KRT14: variants seen among roughly 807,000 people sequenced by gnomAD.
KRT14 encodes the protein keratin, type I cytoskeletal 14.
Under a neutral mutation model 44.5 loss-of-function variants are expected in KRT14, and 30 were observed. That is an observed-to-expected ratio of 0.67 (90% CI 0.50 to 0.92). KRT14 has a LOEUF of 0.92. KRT14 is among the 40% of genes least tolerant of loss of function. The pLI, the probability that KRT14 is intolerant of heterozygous loss-of-function variation, is 0.00. For missense variants in KRT14, 535 were observed against 640.6 expected, an observed-to-expected ratio of 0.84 and a Z score of 1.78; for synonymous variants, 241 against 257.6, an observed-to-expected ratio of 0.94 and a Z score of 0.62.
At chr17:41,582,890 C>T (rs1380688590) in intron 7 of KRT14, 4 of 634,962 alleles carry the variant, frequency 6.3e-6, no homozygotes, top group Non-Finnish European at 1.1e-5. Context: ...ACAGACACCA[C>T]GTAGAAGCAA....
At chr17:41,584,927 C>T (rs765512464) in intron 2 of KRT14, 48 bp downstream of exon 2, 3 of 1,437,592 alleles carry the variant, frequency 2.1e-6, no homozygotes, top group Non-Finnish European at 2.9e-6. Flanking sequence ...TCCAAAAATG[C>T]CCTACTCTGG....
In KRT14 at chr17:41,583,597, C is replaced by T. The variant is rs199651076; in HGVS notation, c.1007G>A (p.Arg336His). ...CTCAATCTCCAGGTTCTGCATGGTGCGCCGGAGCTCCGAGATCTCGCTCTT... is the reference window on the plus strand; with the variant it reads ...CTCAATCTCCAGGTTCTGCATGGTGTGCCGGAGCTCCGAGATCTCGCTCTT... ...SGKSEISELR[R>H]TMQNLEIELQ... is the part of the protein sequence containing the mutation. The change falls in exon 5 of 8, where the codon CGC becomes CAC. Residue 336 changes from arginine (R) to histidine (H), a missense_variant. By Grantham distance (29) the Arg-to-His change is conservative. Coordinates refer to ENST00000167586, the MANE Select transcript of KRT14 (RefSeq NM_000526.5). The T allele has an allele frequency of 1.2e-5, 20 of 1,614,106 alleles. No individual in the cohort carries two copies. Among genetic ancestry groups the T allele is most frequent in the Non-Finnish European group, 1.4e-5 (17 of 1,180,040 alleles).
rs1162202958 is a variant in KRT14, at chr17:41,586,852, TGAGC to T, written c.-22_-19del. On this transcript the variant is annotated 5_prime_UTR_variant, in exon 1 of 8. Transcript: ENST00000167586. ...GTGGTCATGGTGCAGAGGAGGGAGGTGAGCGAGCGAGCAGTTGGCTGAGTGAAGA... is the reference window on the plus strand; with the variant it reads ...GTGGTCATGGTGCAGAGGAGGGAGGTGAGCGAGCAGTTGGCTGAGTGAAGA... The T allele has an allele frequency of 1.9e-6, 3 of 1,570,378 alleles. No individual in the cohort carries two copies. Among genetic ancestry groups the T allele is most frequent in the Non-Finnish European group, 2.6e-6 (3 of 1,161,720 alleles).
intron 1 of KRT14, 51 bp from the exon 2 acceptor site, chr17:41,585,108 G>A (rs1219704562): frequency 7.6e-7 from 1 of 1,312,628 alleles, no homozygotes; most frequent in African/African-American, 1.5e-5. Context: ...TTCACAAGCT[G>A]GACTTCACTG....
In KRT14 at chr17:41,584,314, C is replaced by T. The variant is rs1267651112; in HGVS notation, c.708G>A (p.Glu236=). The T allele has an allele frequency of 3.7e-6, 6 of 1,613,946 alleles. No individual in the cohort carries two copies. The highest frequency in any genetic ancestry group is 5.1e-6 in the Non-Finnish European group (6 of 1,180,028). The stretch of plus-strand genomic sequence containing the variant: ...CCTCCTTCAGGCTCTCAATCTGCAT[C>T]TCCAGGTCAGCTCTGGCCAGGGTCA... ...DELTLARADL[E]MQIESLKEEL... is the part of the protein sequence containing the mutation. Residue 236 remains glutamate, a synonymous_variant, in exon 3 of 8, where the codon GAG becomes GAA. Coordinates refer to ENST00000167586, the MANE Select transcript of KRT14 (RefSeq NM_000526.5).
At position 41,583,660 on chromosome 17, in the gene KRT14, C is replaced by T. The variant is rs573490774; in HGVS notation, c.944G>A (p.Arg315His). ...CAGCTCGCTGTTGGTGGCCACCTCG[C>T]GGTTCAGCTCCTCTGTCTGCAAAAA... is the stretch of plus-strand genomic sequence containing the variant. The part of the protein sequence containing the change: ...WFFTKTEELN[R>H]EVATNSELVQ... Residue 315 changes from arginine to histidine, a missense_variant, in exon 5 of 8, where the codon CGC becomes CAC. Arg to His is a conservative substitution (Grantham distance 29). Coordinates refer to ENST00000167586, the MANE Select transcript of KRT14 (RefSeq NM_000526.5). The T allele has an allele frequency of 3.7e-6, 6 of 1,614,210 alleles. 1 individual carries two copies. Among genetic ancestry groups the T allele is most frequent in the Middle Eastern group, 3.3e-4 (2 of 6,062 alleles).
In KRT14 at chr17:41,586,472, G is replaced by A. The variant is rs751443458; in HGVS notation, c.363C>T (p.Asn121=). 42 of 1,614,010 alleles carry A rather than the reference G, an allele frequency of 2.6e-5. No individual in the cohort carries two copies. The Admixed American group carries it at 6.8e-4, about 26-fold the overall frequency. Residue 121 remains asparagine (N), a synonymous_variant, in exon 1 of 8, where the codon AAC becomes AAT. Transcript: ENST00000167586. ...GGTAGGAGGCCAGGCGGTCATTGAG[G>A]TTCTGCATGGTCACCTTCTCACTGC... is the stretch of plus-strand genomic sequence containing the variant. ...LVGSEKVTMQ[N]LNDRLASYLD... is the part of the protein sequence containing the mutation.
At chr17:41,583,045 G>C (rs1231463651) in intron 7 of KRT14, 49 bp downstream of exon 7, 6 of 1,576,506 alleles carry the variant, frequency 3.8e-6, no homozygotes, top group Non-Finnish European at 5.2e-6. Flanking sequence ...CCTGCTTGGG[G>C]TACAGAGGGT....
chr17:41,584,400 A>C lies in KRT14; in HGVS notation c.622T>G (p.Leu208Val), dbSNP rs2144584004. Residue 208 changes from leucine (L) to valine (V), a missense_variant, in exon 3 of 8, where the codon TTG becomes GTG. Transcript: ENST00000167586. ...DDFRTKYETE[L>V]NLRMSVEADI... ...GCTTCCACACTCATGCGCAGGTTCAACTCTGTCTCATACCTGGAATGACCC... is the reference window on the plus strand; with the variant it reads ...GCTTCCACACTCATGCGCAGGTTCACCTCTGTCTCATACCTGGAATGACCC... 6.2e-7 allele frequency: 1 copy of C among 1,613,822 alleles called. No homozygotes were observed. Among genetic ancestry groups the C allele is most frequent in the Non-Finnish European group, 8.5e-7 (1 of 1,179,962 alleles).
Position 41,583,600 on chromosome 17 carries a change from C to T in KRT14, c.1004G>A (p.Arg335Gln), listed in dbSNP as rs1420455277. 5.6e-6 allele frequency: 9 copies of T among 1,614,078 alleles called. No homozygotes were observed. Among genetic ancestry groups the T allele is most frequent in the African/African-American group, 2.7e-5 (2 of 74,924 alleles). The change falls in exon 5 of 8, where the codon CGG becomes CAG. Residue 335 changes from arginine (R) to glutamine (Q), a missense_variant. Arg to Gln is a conservative substitution (Grantham distance 43, BLOSUM62 1). Coordinates refer to ENST00000167586, the MANE Select transcript of KRT14 (RefSeq NM_000526.5). The part of the protein sequence containing the change: ...QSGKSEISEL[R>Q]RTMQNLEIEL... Reference sequence around the variant, plus strand: ...AATCTCCAGGTTCTGCATGGTGCGCCGGAGCTCCGAGATCTCGCTCTTGCC... The same window carrying T: ...AATCTCCAGGTTCTGCATGGTGCGCTGGAGCTCCGAGATCTCGCTCTTGCC...
chr17:41,582,393 C>A lies in KRT14; in HGVS notation c.*42G>T. On this transcript the variant is annotated 3_prime_UTR_variant, in exon 8 of 8. Transcript: ENST00000167586. ...GGGGATCTTCCAGTGGGATCTGTGT[C>A]CACACGGGGGGCCTCCTAGGCCTGA... The A allele has an allele frequency of 6.9e-7, 1 of 1,459,754 alleles. No individual in the cohort carries two copies. Among genetic ancestry groups the A allele is most frequent in the Non-Finnish European group, 9.4e-7 (1 of 1,064,598 alleles). The allele number at this position is 1,459,754 out of a possible 1,614,324, so 90.4% of individuals were successfully genotyped here. A position where few individuals can be genotyped will look rare whatever the true frequency, so the allele number is the denominator to read the frequency against.
At position 41,582,377 on chromosome 17, in the gene KRT14, C is replaced by G; in HGVS notation, c.*58G>C. On this transcript the variant is annotated 3_prime_UTR_variant, in exon 8 of 8. Coordinates refer to ENST00000167586, the MANE Select transcript of KRT14 (RefSeq NM_000526.5). The stretch of plus-strand genomic sequence containing the variant: ...GTGCTTGGGCAGGAGAGGGGATCTT[C>G]CAGTGGGATCTGTGTCCACACGGGG... 7.5e-7 allele frequency: 1 copy of G among 1,332,314 alleles called. No homozygotes were observed. The highest frequency in any genetic ancestry group is 1.1e-6 in the Non-Finnish European group (1 of 948,886). The allele number at this position is 1,332,314 out of a possible 1,614,324, so 82.5% of individuals were successfully genotyped here.
In KRT14 at chr17:41,583,113, T is replaced by C; in HGVS notation, c.1302A>G (p.Gly434=). 1 of 1,612,754 alleles carries C rather than the reference T, an allele frequency of 6.2e-7. No individual in the cohort carries two copies. Among genetic ancestry groups the C allele is most frequent in the Non-Finnish European group, 8.5e-7 (1 of 1,179,892 alleles). Residue 434 remains glycine (G), a synonymous_variant, in exon 7 of 8, where the codon GGA becomes GGG. Coordinates refer to ENST00000167586, the MANE Select transcript of KRT14 (RefSeq NM_000526.5). ...AHLSSSQFSS[G]SQSSRDVTSS... is the part of the protein sequence containing the mutation. ...TCTTACCATCTCTGGATGACTGCGA[T>C]CCAGAGGAGAACTGGGAGGAGGAGA...
intron 1 of KRT14, among the ~76,000 whole-genome samples, 181 bp downstream of exon 1, chr17:41,586,129 A>T (rs1208763533): frequency 3.9e-5 from 6 of 152,210 alleles, no homozygotes; most frequent in Admixed American, 3.9e-4. Flanking sequence ...GGGGATGAGG[A>T]GGCTGGGGAA....
chr17:41,585,365 C>T (rs1471713221), intron 1 of KRT14, among the ~76,000 whole-genome samples: 1 of 152,178 alleles, frequency 6.6e-6, no homozygotes, highest in African/African-American at 2.4e-5. Context: ...AGTTCCCCAC[C>T]TCCAGGTGAG....
chr17:41,586,727 G>A lies in KRT14; in HGVS notation c.108C>T (p.Ala36=), dbSNP rs752520827. The A allele has an allele frequency of 1.3e-5, 20 of 1,587,658 alleles. No homozygotes were observed. Among genetic ancestry groups the A allele is most frequent in the Admixed American group, 1.8e-5 (1 of 55,860 alleles). Reference sequence around the variant, plus strand: ...TGCTGGGGGCGCGGCAGGACCCTCCGGCCAGGACGGAGGAGATGCGGCTGG... The same window carrying A: ...TGCTGGGGGCGCGGCAGGACCCTCCAGCCAGGACGGAGGAGATGCGGCTGG... The part of the protein sequence containing the change: ...GGSSRISSVL[A]GGSCRAPSTY... The change falls in exon 1 of 8, where the codon GCC becomes GCT. Residue 36 remains alanine, a synonymous_variant. Coordinates refer to ENST00000167586, the MANE Select transcript of KRT14 (RefSeq NM_000526.5).
At position 41,584,358 on chromosome 17, in the gene KRT14, G is replaced by T; in HGVS notation, c.664C>A (p.Arg222Ser). Residue 222 changes from arginine to serine, a missense_variant, in exon 3 of 8, where the codon CGC becomes AGC. Arg to Ser is a moderately radical substitution (Grantham distance 110). Coordinates refer to ENST00000167586, the MANE Select transcript of KRT14 (RefSeq NM_000526.5). Reference sequence around the variant, plus strand: ...AGGGTCAGTTCGTCCAGCACCCTGCGCAGGCCATTGATGTCGGCTTCCACA... The same window carrying T: ...AGGGTCAGTTCGTCCAGCACCCTGCTCAGGCCATTGATGTCGGCTTCCACA... ...MSVEADINGL[R>S]RVLDELTLAR... 6.2e-7 allele frequency: 1 copy of T among 1,613,978 alleles called. No homozygotes were observed. The highest frequency in any genetic ancestry group is 1.1e-5 in the South Asian group (1 of 91,068).
At position 41,586,736 on chromosome 17, in the gene KRT14, G is replaced by A. The variant is rs767746944; in HGVS notation, c.99C>T (p.Ser33=). The A allele has an allele frequency of 2.8e-5, 44 of 1,587,840 alleles. No homozygotes were observed. Among genetic ancestry groups the A allele is most frequent in the African/African-American group, 4.0e-5 (3 of 74,286 alleles). ...GIGGGSSRIS[S]VLAGGSCRAP... is the part of the protein sequence containing the mutation. ...CGCGGCAGGACCCTCCGGCCAGGAC[G>A]GAGGAGATGCGGCTGGAGCCGCCCC... is the stretch of plus-strand genomic sequence containing the variant. The change falls in exon 1 of 8, where the codon TCC becomes TCT. Residue 33 remains serine (S), a synonymous_variant. Coordinates refer to ENST00000167586, the MANE Select transcript of KRT14 (RefSeq NM_000526.5).
intron 7 of KRT14, 123 bp from the exon 8 acceptor site, chr17:41,582,655 C>T: frequency 1.3e-6 from 1 of 759,472 alleles, no homozygotes; most frequent in South Asian, 1.5e-5. Context: ...CCCCTGATTA[C>T]TGCTTCACTC....
Sources: gnomAD v4.1 joint callset for allele counts (sites outside exome capture counted in the v4.1 genomes callset) on GRCh38, gnomAD v4.1.1 for gene constraint, MANE v1.5 for transcripts, NCBI Gene and HGNC (gene_info 2026-07-23, HGNC 2026-07-21) for gene names.